Variants in MYCBPAP observed in about 807,000 individuals in gnomAD.
MYCBPAP encodes MYCBP-associated protein.
Under a neutral mutation model 106.1 loss-of-function variants are expected in MYCBPAP, and 60 were observed. That is an observed-to-expected ratio of 0.57 (90% CI 0.46 to 0.70). The LOEUF (loss-of-function observed/expected upper bound fraction) is 0.70, where lower values mean the gene tolerates loss of function less well. MYCBPAP is among the 30% of genes least tolerant of loss of function. The pLI is 0.00. For missense variants in MYCBPAP, 1,064 were observed against 1,169.3 expected, an observed-to-expected ratio of 0.91 and a Z score of 1.31; for synonymous variants, 407 against 440.6, an observed-to-expected ratio of 0.92 and a Z score of 0.95.
chr17:50,517,173 C>G lies in MYCBPAP; in HGVS notation c.205-120C>G, dbSNP rs961441838. 4 of 893,220 alleles carry G rather than the reference C, an allele frequency of 4.5e-6. No individual in the cohort carries two copies. The African/African-American group carries it at 6.6e-5, about 15-fold the overall frequency. 55.3% of individuals were successfully genotyped at this position (893,220 alleles called of 1,614,324 possible). On this transcript the variant is annotated intron_variant, in intron 2 of 18. Coordinates refer to ENST00000323776, the MANE Select transcript of MYCBPAP (RefSeq NM_032133.6). ...TCCTTGACAGAACATATGGACAGAG[C>G]TGAAGAAACAGATCTGTCAGCCTTC...
At chr17:50,523,487 G>T (rs1181741666) in intron 11 of MYCBPAP, 110 bp from the exon 12 acceptor site, 2 of 1,162,804 alleles carry the variant, frequency 1.7e-6, no homozygotes, top group Non-Finnish European at 1.2e-6. Context: ...AACTGGGATG[G>T]TTGGCCAGCC....
chr17:50,529,232 C>T (rs895824830), intron 18 of MYCBPAP, 44 bp downstream of exon 18: 1 of 1,571,904 alleles, frequency 6.4e-7, no homozygotes, highest in African/African-American at 1.4e-5. Context: ...CTCCCACCTG[C>T]CTTATTCATT....
Position 50,529,056 on chromosome 17 carries a change from C to A in MYCBPAP, c.2592C>A (p.Asp864Glu). ...PNSKKHKAKD[D>E]KKVIKSASQD... The stretch of plus-strand genomic sequence containing the variant: ...GCAAGAAGCACAAGGCAAAGGATGA[C>A]AAGAAAGTCATAAAATCTGCAAGTC... The change falls in exon 18 of 19, where the codon GAC becomes GAA. Residue 864 changes from aspartate to glutamate, a missense_variant. Transcript: ENST00000323776. 6.2e-7 allele frequency: 1 copy of A among 1,614,128 alleles called. No homozygotes were observed. The highest frequency in any genetic ancestry group is 8.5e-7 in the Non-Finnish European group (1 of 1,180,018).
rs770979172 is a variant in MYCBPAP, at chr17:50,516,716, C to A, written c.204+19C>A. 4 of 1,613,018 alleles carry A rather than the reference C, an allele frequency of 2.5e-6. No individual in the cohort carries two copies. The Admixed American group carries it at 5.0e-5, about 20-fold the overall frequency. On this transcript the variant is annotated intron_variant, in intron 2 of 18. Coordinates refer to ENST00000323776, the MANE Select transcript of MYCBPAP (RefSeq NM_032133.6). ...GAAGGAGGTGAGGATGAAGCCCAAG[C>A]TTCCCTTACCATAGAAACGTTTCCC...
At chr17:50,517,038 C>T (rs534306148) in intron 2 of MYCBPAP, among the ~76,000 whole-genome samples, 1 of 152,294 alleles carries the variant, frequency 6.6e-6, no homozygotes, top group African/African-American at 2.4e-5. Flanking sequence ...TAACCCCATG[C>T]TTTACCTGGG....
chr17:50,515,317 G>A (rs2034009245), intron 1 of MYCBPAP, among the ~76,000 whole-genome samples: 1 of 152,002 alleles, frequency 6.6e-6, no homozygotes, highest in African/African-American at 2.4e-5. Flanking sequence ...CATTGGGCAT[G>A]TGCTCTTTAA....
At chr17:50,519,361 C>T (rs2143942558) in intron 6 of MYCBPAP, 1 of 584,862 alleles carries the variant, frequency 1.7e-6, no homozygotes, top group East Asian at 2.8e-5. Context: ...GTGGAGCCTA[C>T]ACCCTAAAGA....
At position 50,529,012 on chromosome 17, in the gene MYCBPAP, C is replaced by G. The variant is rs1267552565; in HGVS notation, c.2554-6C>G. ...GAAGGCTATGTGTGTCTCCCTCCCC[C>G]AGCAGGACCGTCCCAACAGCAAGAA... is the stretch of plus-strand genomic sequence containing the variant. On this transcript the variant is annotated splice_polypyrimidine_tract_variant and splice_region_variant and intron_variant, in intron 17 of 18. Coordinates refer to ENST00000323776, the MANE Select transcript of MYCBPAP (RefSeq NM_032133.6). The G allele has an allele frequency of 6.2e-7, 1 of 1,612,974 alleles. No homozygotes were observed. The highest frequency in any genetic ancestry group is 2.2e-5 in the East Asian group (1 of 44,874).
chr17:50,516,436 T>C, intron 1 of MYCBPAP, 134 bp from the exon 2 acceptor site: 1 of 1,112,732 alleles, frequency 9.0e-7, no homozygotes, highest in South Asian at 1.8e-5. Flanking sequence ...CAGCCTCTGC[T>C]ATCTATCCAG....
At position 50,528,832 on chromosome 17, in the gene MYCBPAP, G is replaced by T. The variant is rs753129943; in HGVS notation, c.2545G>T (p.Gly849Trp). Residue 849 changes from glycine to tryptophan, a missense_variant, in exon 17 of 19, where the codon GGG (glycine) becomes TGG (tryptophan). Physicochemically the swap from Gly to Trp is radical, Grantham distance 184 (BLOSUM62 -2). Transcript: ENST00000323776. Reference sequence around the variant, plus strand: ...AGACAAGAAAGGAGCCAAGCTGCTCGGGAAAGAGGCATGCTGGGGCGTGGT... The same window carrying T: ...AGACAAGAAAGGAGCCAAGCTGCTCTGGAAAGAGGCATGCTGGGGCGTGGT... ...KEDKKGAKLL[G>W]KEDRPNSKKH... 8 of 1,613,580 alleles carry T rather than the reference G, an allele frequency of 5.0e-6. No homozygotes were observed. Among genetic ancestry groups the T allele is most frequent in the Non-Finnish European group, 6.8e-6 (8 of 1,180,020 alleles).
rs373097449 is a variant in MYCBPAP, at chr17:50,526,027, G to C, written c.1929G>C (p.Glu643Asp). Residue 643 changes from glutamate to aspartate, a missense_variant, in exon 14 of 19, where the codon GAG becomes GAC. By Grantham distance (45) the Glu-to-Asp change is conservative. Coordinates refer to ENST00000323776, the MANE Select transcript of MYCBPAP (RefSeq NM_032133.6). Reference sequence around the variant, plus strand: ...CAGAGAAGGCCTCTGTGAATGCTGAGCTGTTACCACGCTTTAGGAGCCCCA... The same window carrying C: ...CAGAGAAGGCCTCTGTGAATGCTGACCTGTTACCACGCTTTAGGAGCCCCA... Reference protein sequence around the residue: ...IATEKASVNAELLPRFRSPIS... With the variant: ...IATEKASVNADLLPRFRSPIS... 6.2e-7 allele frequency: 1 copy of C among 1,613,896 alleles called. No homozygotes were observed. The highest frequency in any genetic ancestry group is 8.5e-7 in the Non-Finnish European group (1 of 1,180,052).
At chr17:50,519,575 C>A in intron 6 of MYCBPAP, 65 bp from the exon 7 acceptor site, 1 of 1,585,262 alleles carries the variant, frequency 6.3e-7, no homozygotes. Flanking sequence ...CTTGTCTTCC[C>A]ACATCTCCAC....
At position 50,508,873 on chromosome 17, in the gene MYCBPAP, G is replaced by A. The variant is rs181835751; in HGVS notation, c.76+123G>A. The A allele has an allele frequency of 1.3e-3, 1,243 of 926,408 alleles. 13 individuals carry two copies. In the African/African-American group the frequency reaches 0.018, roughly 14 times the overall value. The allele number at this position is 926,408 out of a possible 1,614,324, so 57.4% of individuals were successfully genotyped here. A position where few individuals can be genotyped will look rare whatever the true frequency, so the allele number is the denominator to read the frequency against. On this transcript the variant is annotated intron_variant, in intron 1 of 18. Transcript: ENST00000323776. ...CCAGGGATGGAGGAAAGATCACGGG[G>A]AAGTGGGGTACTGGGCATAGGACCC...
intron 10 of MYCBPAP, 157 bp from the exon 11 acceptor site, chr17:50,522,782 G>T: frequency 2.0e-6 from 1 of 500,908 alleles, no homozygotes; most frequent in Non-Finnish European, 3.4e-6. Flanking sequence ...CCACGCTGGA[G>T]TAGGATACCA....
chr17:50,519,931 G>C lies in MYCBPAP; in HGVS notation c.916+144G>C, dbSNP rs1341607167. On this transcript the variant is annotated intron_variant, in intron 7 of 18. Coordinates refer to ENST00000323776, the MANE Select transcript of MYCBPAP (RefSeq NM_032133.6). ...TCTCTGGGGTCTTAGGCAAGTCCCA[G>C]AGTCTTCCTGAAGTCCGGCTCCCTC... is the stretch of plus-strand genomic sequence containing the variant. 3.5e-6 allele frequency: 3 copies of C among 851,792 alleles called. No individual in the cohort carries two copies. In the East Asian group the frequency reaches 8.3e-5, roughly 23 times the overall value. The allele number at this position is 851,792 out of a possible 1,614,324, so 52.8% of individuals were successfully genotyped here.
At chr17:50,521,483 T>C (rs770148875) in intron 9 of MYCBPAP, 52 bp downstream of exon 9, 7 of 1,347,330 alleles carry the variant, frequency 5.2e-6, no homozygotes. Context: ...CTCCAGCACC[T>C]ACCAGTATTA....
chr17:50,527,039 G>A (rs1433644824), intron 14 of MYCBPAP, among the ~76,000 whole-genome samples: 1 of 152,190 alleles, frequency 6.6e-6, no homozygotes, highest in Non-Finnish European at 1.5e-5. Flanking sequence ...TGTCTGGGGT[G>A]CCCAAGCTGC....
intron 10 of MYCBPAP, chr17:50,522,709 A>AAAAAAAAAAAATATATATATATATAT: frequency 1.8e-4 from 9 of 50,036 alleles, no homozygotes; most frequent in South Asian, 7.9e-4. Context: ...AAAAAAAAAA[A>AAAAAAAAAAAATATATATATATATAT]ATATATATAT....
Position 50,518,553 on chromosome 17 carries a change from A to T in MYCBPAP, c.481A>T (p.Ile161Leu). 1 of 1,579,856 alleles carries T rather than the reference A, an allele frequency of 6.3e-7. No individual in the cohort carries two copies. The change falls in exon 5 of 19, where the codon ATA becomes TTA. Residue 161 changes from isoleucine (I) to leucine (L), a missense_variant. Coordinates refer to ENST00000323776, the MANE Select transcript of MYCBPAP (RefSeq NM_032133.6). ...ARGNTQLAER[I>L]PTSPCLMTLI... ...TTGTACTTTTCAGCTGGCTGAGCGGATACCTACCTCACCCTGTCTGATGAC... is the reference window on the plus strand; with the variant it reads ...TTGTACTTTTCAGCTGGCTGAGCGGTTACCTACCTCACCCTGTCTGATGAC...
Sources: gnomAD v4.1 joint callset for allele counts (sites outside exome capture counted in the v4.1 genomes callset) on GRCh38, gnomAD v4.1.1 for gene constraint, MANE v1.5 for transcripts, NCBI Gene and HGNC (gene_info 2026-07-23, HGNC 2026-07-21) for gene names.